Variants in CAMK2D observed in about 807,000 individuals in gnomAD.
CAMK2D encodes the protein calcium/calmodulin-dependent protein kinase type II subunit delta.
CAMK2D carries 37 observed loss-of-function variants against 84.0 expected under a neutral mutation model. The observed-to-expected ratio is 0.44, with a 90% confidence interval of 0.34 to 0.58. CAMK2D has a LOEUF of 0.58. Among genes scored for constraint, CAMK2D ranks in the 20% least tolerant of loss-of-function variants. CAMK2D has a pLI of 0.02. For synonymous variants in CAMK2D, 202 were observed against 212.5 expected, an observed-to-expected ratio of 0.95 and a Z score of 0.43; for missense variants, 448 against 652.5, an observed-to-expected ratio of 0.69 and a Z score of 3.41.
At chr4:113,621,400 T>C (rs1001283399) in intron 3 of CAMK2D, among the ~76,000 whole-genome samples, 5 of 152,252 alleles carry the variant, frequency 3.3e-5, no homozygotes, top group East Asian at 1.9e-4. Flanking sequence ...CTGATGAAAA[T>C]TGGTTTTGCC....
chr4:113,519,500 C>A (rs1394244334), intron 8 of CAMK2D, among the ~76,000 whole-genome samples: 1 of 151,440 alleles, frequency 6.6e-6, no homozygotes. Flanking sequence ...TTAAAAAAAA[C>A]ACTTTTAGGC....
At chr4:113,711,336 C>T (rs2099491869) in intron 2 of CAMK2D, among the ~76,000 whole-genome samples, 1 of 151,728 alleles carries the variant, frequency 6.6e-6, no homozygotes, top group South Asian at 2.1e-4. Flanking sequence ...TAGATAATGC[C>T]ACTAAATCTC....
chr4:113,752,580 G>C (rs896418837), intron 2 of CAMK2D, among the ~76,000 whole-genome samples: 5 of 152,148 alleles, frequency 3.3e-5, no homozygotes, highest in African/African-American at 1.2e-4. Flanking sequence ...TTTCTGAGTA[G>C]GTTTCTCTGG....
In CAMK2D at chr4:113,761,045, G is replaced by A; in HGVS notation, c.24C>T (p.Thr8=). Residue 8 remains threonine (T), a synonymous_variant, in exon 1 of 21, where the codon ACC becomes ACT. Coordinates refer to ENST00000511664, the MANE Select transcript of CAMK2D (RefSeq NM_001321571.2). MASTTTC[T]RFTDEYQLFE... ...AAAGCTGATACTCGTCCGTGAACCTGGTGCAGGTTGTGGTCGAAGCCATCC... is the reference window on the plus strand; with the variant it reads ...AAAGCTGATACTCGTCCGTGAACCTAGTGCAGGTTGTGGTCGAAGCCATCC... 1.9e-6 allele frequency: 3 copies of A among 1,614,200 alleles called. No individual in the cohort carries two copies. The highest frequency in any genetic ancestry group is 2.5e-6 in the Non-Finnish European group (3 of 1,180,026).
intron 4 of CAMK2D, among the ~76,000 whole-genome samples, chr4:113,592,594 A>G (rs1172202156): frequency 6.6e-6 from 1 of 152,226 alleles, no homozygotes; most frequent in Non-Finnish European, 1.5e-5. Flanking sequence ...ATGCCTCAAC[A>G]TCAAATTCCA....
At chr4:113,709,290 A>G (rs2099478476) in intron 2 of CAMK2D, among the ~76,000 whole-genome samples, 3 of 152,254 alleles carry the variant, frequency 2.0e-5, no homozygotes, top group East Asian at 3.9e-4. Flanking sequence ...TCAATTCCAG[A>G]TAAATTAAGA....
At chr4:113,489,112 G>T (rs2097794186) in intron 16 of CAMK2D, among the ~76,000 whole-genome samples, 1 of 151,972 alleles carries the variant, frequency 6.6e-6, no homozygotes, top group South Asian at 2.1e-4. Context: ...TAAAAAATCA[G>T]CAGGTAGTAT....
chr4:113,495,993 G>T (rs1397023416), intron 16 of CAMK2D, among the ~76,000 whole-genome samples: 1 of 152,180 alleles, frequency 6.6e-6, no homozygotes, highest in Non-Finnish European at 1.5e-5. Context: ...CCATCAGGAG[G>T]AAGTGGGTGA....
At chr4:113,581,766 T>C (rs2098811417) in intron 4 of CAMK2D, among the ~76,000 whole-genome samples, 1 of 152,134 alleles carries the variant, frequency 6.6e-6, no homozygotes, top group Non-Finnish European at 1.5e-5. Flanking sequence ...TTGCCTGTGA[T>C]TTGGGATTAA....
At chr4:113,697,741 AT>A (rs2099407052) in intron 2 of CAMK2D, among the ~76,000 whole-genome samples, 1 of 148,932 alleles carries the variant, frequency 6.7e-6, no homozygotes, top group African/African-American at 2.5e-5. Flanking sequence ...AGCATAGATG[AT>A]TTTTTTCCTC....
chr4:113,479,810 G>GT (rs1487020207), intron 16 of CAMK2D, among the ~76,000 whole-genome samples: 12 of 152,078 alleles, frequency 7.9e-5, no homozygotes, highest in Admixed American at 4.6e-4. Context: ...TTTATGGACT[G>GT]TTTTAAATCA....
intron 16 of CAMK2D, among the ~76,000 whole-genome samples, chr4:113,470,493 C>G (rs1017358542): frequency 3.3e-5 from 5 of 152,186 alleles, no homozygotes; most frequent in African/African-American, 1.2e-4. Context: ...CAAACCTTAG[C>G]TAGGTGTGGT....
At chr4:113,489,555 G>A (rs1346986228) in intron 16 of CAMK2D, among the ~76,000 whole-genome samples, 1 of 149,794 alleles carries the variant, frequency 6.7e-6, no homozygotes, top group African/African-American at 2.5e-5. Context: ...TGGACATTTG[G>A]GTTGGTTCCA....
rs746712188 is a variant in CAMK2D at position 113,609,210 on chromosome 4, GA to G, written c.221-5del. The G allele has an allele frequency of 1.3e-5, 21 of 1,560,494 alleles. No individual in the cohort carries two copies. The highest frequency in any genetic ancestry group is 1.9e-5 in the Non-Finnish European group (21 of 1,131,838). On this transcript the variant is annotated splice_region_variant and splice_polypyrimidine_tract_variant and intron_variant, in intron 3 of 20. Coordinates refer to ENST00000511664, the MANE Select transcript of CAMK2D (RefSeq NM_001321571.2). ...GATATGCTATCATGAAGTCGCACTA[GA>G]AAAAAATAAGAGAAGAAAAATTGTG... is the stretch of plus-strand genomic sequence containing the variant.
At position 113,720,403 on chromosome 4, in the gene CAMK2D, A is replaced by T. The variant is rs541957140; in HGVS notation, c.160+38917T>A. 4.7e-5 allele frequency among the ~76,000 whole-genome samples: 7 copies of T among 149,694 alleles called. No homozygotes were observed. The East Asian group carries it at 5.8e-4, about 12-fold the overall frequency. ...ACACACACACACACTCACACATTTT[A>T]AAAAAACGCCTTCTAATAGATTTAG... On this transcript the variant is annotated intron_variant, in intron 2 of 20. Coordinates refer to ENST00000511664, the MANE Select transcript of CAMK2D (RefSeq NM_001321571.2).
At chr4:113,482,174 A>AT (rs1285944111) in intron 16 of CAMK2D, among the ~76,000 whole-genome samples, 2 of 152,226 alleles carry the variant, frequency 1.3e-5, no homozygotes, top group African/African-American at 4.8e-5. Context: ...CTGTAAGCAG[A>AT]AGCAGGTCAA....
intron 20 of CAMK2D, among the ~76,000 whole-genome samples, chr4:113,455,268 C>CA (rs1236674297): frequency 2.0e-5 from 3 of 152,170 alleles, no homozygotes; most frequent in African/African-American, 7.2e-5. Context: ...TCCTCATGGT[C>CA]AAGTACCATT....
At chr4:113,746,198 T>C (rs1237000687) in intron 2 of CAMK2D, among the ~76,000 whole-genome samples, 2 of 152,246 alleles carry the variant, frequency 1.3e-5, no homozygotes, top group Admixed American at 1.3e-4. Flanking sequence ...CTAAGTGCTG[T>C]TTTTAAAATT....
At chr4:113,723,028 C>A (rs1398629849) in intron 2 of CAMK2D, among the ~76,000 whole-genome samples, 1 of 151,702 alleles carries the variant, frequency 6.6e-6, no homozygotes, top group Non-Finnish European at 1.5e-5. Flanking sequence ...TGAGCTAGAC[C>A]CCTCATATAC....
Sources: allele counts gnomAD v4.1 joint callset (sites outside exome capture counted in the v4.1 genomes callset), GRCh38; gene constraint gnomAD v4.1.1; transcripts MANE v1.5; gene names NCBI Gene and HGNC (gene_info 2026-07-23, HGNC 2026-07-21).